TRDN: variants seen among roughly 807,000 people sequenced by gnomAD.
The protein encoded by TRDN is triadin in skeletal muscle.
TRDN carries 161 observed loss-of-function variants against 149.7 expected under a neutral mutation model. The observed-to-expected ratio is 1.08, with a 90% CI of 0.95 to 1.23. The LOEUF (loss-of-function observed/expected upper bound fraction) is 1.23. Ranked by LOEUF, TRDN falls within the 50% of genes most tolerant of loss-of-function variation. The pLI is 0.00. For missense variants in TRDN, 896 were observed against 823.5 expected, an observed-to-expected ratio of 1.09 and a Z score of -1.08; for synonymous variants, 294 against 250.5, an observed-to-expected ratio of 1.17 and a Z score of -1.64.
At chr6:123,330,236 G>C (rs1779609096) in intron 23 of TRDN, among the ~76,000 whole-genome samples, 1 of 151,976 alleles carries the variant, frequency 6.6e-6, no homozygotes, top group Non-Finnish European at 1.5e-5. Context: ...TAGCATCATT[G>C]TGTGATTAAA....
chr6:123,420,360 T>C lies in TRDN; in HGVS notation c.1051+17703A>G, dbSNP rs538883830. ...TTTCAAATGCTCTTTCTGGTTCTACTGTTTTCCTGGCAGAGATGCAAGGAT... is the reference window on the plus strand; with the variant it reads ...TTTCAAATGCTCTTTCTGGTTCTACCGTTTTCCTGGCAGAGATGCAAGGAT... On this transcript the variant is annotated intron_variant, in intron 12 of 40. Transcript: ENST00000334268. 2.7e-5 allele frequency among the ~76,000 whole-genome samples: 4 copies of C among 148,514 alleles called. No individual in the cohort carries two copies. In the East Asian group the frequency reaches 8.0e-4, roughly 30 times the overall value.
chr6:123,289,332 G>A (rs895850855), intron 24 of TRDN, among the ~76,000 whole-genome samples: 2 of 151,892 alleles, frequency 1.3e-5, no homozygotes, highest in East Asian at 3.9e-4. Context: ...AGAATAGAGG[G>A]AGAGATGGGA....
chr6:123,295,268 TA>T (rs1256349672), intron 24 of TRDN, among the ~76,000 whole-genome samples: 3 of 152,142 alleles, frequency 2.0e-5, no homozygotes, highest in Non-Finnish European at 4.4e-5. Flanking sequence ...TGCATGCAAT[TA>T]AAAGTGGGTA....
chr6:123,503,931 TTTTG>T, intron 7 of TRDN, 30 bp from the exon 8 acceptor site: 1 of 1,515,982 alleles, frequency 6.6e-7, no homozygotes, highest in Non-Finnish European at 8.8e-7. Context: ...GTTGAAATAC[TTTTG>T]TTTATTTACA....
intron 1 of TRDN, among the ~76,000 whole-genome samples, chr6:123,621,229 T>C (rs1045385830): frequency 6.6e-6 from 1 of 152,160 alleles, no homozygotes; most frequent in South Asian, 2.1e-4. Flanking sequence ...CTTAGGATTC[T>C]ATTCATTTTC....
At chr6:123,527,077 A>G (rs1028540312) in intron 5 of TRDN, among the ~76,000 whole-genome samples, 7 of 152,010 alleles carry the variant, frequency 4.6e-5, no homozygotes, top group Admixed American at 3.9e-4. Context: ...ACACATAGCC[A>G]GAAGTTACCA....
At chr6:123,421,066 C>A (rs1344211159) in intron 12 of TRDN, among the ~76,000 whole-genome samples, 3 of 152,182 alleles carry the variant, frequency 2.0e-5, no homozygotes, top group African/African-American at 7.2e-5. Context: ...GCAGAGATCA[C>A]AAAATTCTCT....
chr6:123,305,656 G>C (rs116376386), intron 24 of TRDN, among the ~76,000 whole-genome samples: 1,598 of 152,252 alleles, frequency 0.01, 26 homozygotes, highest in African/African-American at 0.036. Flanking sequence ...AACTTTCCTT[G>C]AGATGTTGGA....
chr6:123,394,528 G>A (rs1685441956), intron 12 of TRDN, among the ~76,000 whole-genome samples: 1 of 152,016 alleles, frequency 6.6e-6, no homozygotes, highest in South Asian at 2.1e-4. Context: ...TCCATCACAT[G>A]TTTAGCAATA....
At chr6:123,615,535 T>TAC (rs1372320211) in intron 1 of TRDN, among the ~76,000 whole-genome samples, 1,718 of 143,158 alleles carry the variant, frequency 0.012, 35 homozygotes, top group African/African-American at 0.048. Flanking sequence ...AAAACATGTA[T>TAC]ATACACACAC....
intron 4 of TRDN, among the ~76,000 whole-genome samples, chr6:123,537,894 A>C (rs1780631202): frequency 1.3e-5 from 2 of 152,206 alleles, no homozygotes; most frequent in African/African-American, 2.4e-5. Context: ...ATCATACCAA[A>C]GCTTGCTGTT....
At chr6:123,480,254 A>G (rs1447719190) in intron 9 of TRDN, among the ~76,000 whole-genome samples, 2 of 151,510 alleles carry the variant, frequency 1.3e-5, no homozygotes, top group African/African-American at 4.8e-5. Context: ...GTTTCCAAAA[A>G]AAAAAAAAAA....
At chr6:123,277,693 T>C (rs1125543) in intron 26 of TRDN, among the ~76,000 whole-genome samples, 132,040 of 152,104 alleles carry the variant, frequency 0.87, 57,631 homozygotes, top group East Asian at 0.99. Flanking sequence ...AGGAAGGATT[T>C]CTCTCTACAG....
At chr6:123,630,465 A>G (rs1785929312) in intron 1 of TRDN, among the ~76,000 whole-genome samples, 1 of 152,040 alleles carries the variant, frequency 6.6e-6, no homozygotes. Flanking sequence ...TAATGCCAAC[A>G]GTATTGGAGG....
intron 9 of TRDN, among the ~76,000 whole-genome samples, chr6:123,475,693 C>G (rs1777438412): frequency 9.1e-6 from 1 of 109,388 alleles, no homozygotes; most frequent in Non-Finnish European, 1.8e-5. Context: ...AGCAGCACAT[C>G]AAAAAGCTTA....
chr6:123,354,340 G>A (rs1441738575), intron 20 of TRDN, among the ~76,000 whole-genome samples: 1 of 151,734 alleles, frequency 6.6e-6, no homozygotes, highest in East Asian at 1.9e-4. Context: ...AGGTCTAAGT[G>A]AAAACAATTT....
At chr6:123,603,427 G>A (rs2114656261) in intron 1 of TRDN, among the ~76,000 whole-genome samples, 2 of 151,832 alleles carry the variant, frequency 1.3e-5, no homozygotes, top group African/African-American at 4.8e-5. Context: ...ATTGAGGTCT[G>A]TGATGATTTT....
chr6:123,303,731 T>C (rs1348653657), intron 24 of TRDN, among the ~76,000 whole-genome samples: 2 of 152,122 alleles, frequency 1.3e-5, no homozygotes, highest in Admixed American at 6.6e-5. Flanking sequence ...GTAGAAACTA[T>C]GGAAATAAAT....
At chr6:123,423,801 C>G (rs1012210013) in intron 12 of TRDN, among the ~76,000 whole-genome samples, 16 of 152,096 alleles carry the variant, frequency 1.1e-4, no homozygotes, top group Non-Finnish European at 8.8e-5. Context: ...GCTACCACGT[C>G]AAGGATGTAA....
Sources: gnomAD v4.1 joint callset for allele counts (sites outside exome capture counted in the v4.1 genomes callset) on GRCh38, gnomAD v4.1.1 for gene constraint, MANE v1.5 for transcripts, NCBI Gene and HGNC (gene_info 2026-07-23, HGNC 2026-07-21) for gene names.